The following EEA1 variants were observed in gnomAD, a reference collection of about 807,000 sequenced individuals.
EEA1 encodes the protein early endosome antigen 1, 162kD.
In EEA1, 111 loss-of-function variants were observed where a neutral mutation model predicts 209.2. The ratio of observed to expected loss-of-function variants is 0.53; its 90% CI spans 0.45 to 0.62. The LOEUF (loss-of-function observed/expected upper bound fraction) is 0.62, where lower values mean the gene tolerates loss of function less well. EEA1 is among the 20% of genes least tolerant of loss of function. EEA1 has a pLI of 0.00. For missense variants in EEA1, 1,343 were observed against 1,530.8 expected (o/e 0.88, Z 2.05); for synonymous variants, 536 against 540.6 (o/e 0.99, Z 0.12).
At chr12:92,812,911 T>C (rs548828086) in intron 16 of EEA1, 69 bp downstream of exon 16, 80 of 1,100,910 alleles carry the variant, frequency 7.3e-5, no homozygotes, top group South Asian at 3.4e-4. Flanking sequence ...GTATCATCTT[T>C]ACATGTTTGC....
At chr12:92,840,791 A>C (rs1353099109) in intron 10 of EEA1, among the ~76,000 whole-genome samples, 1 of 152,248 alleles carries the variant, frequency 6.6e-6, no homozygotes, top group Non-Finnish European at 1.5e-5. Context: ...AGAGCCAGAA[A>C]TAAACCTTTG....
intron 11 of EEA1, among the ~76,000 whole-genome samples, chr12:92,828,860 T>C (rs1027608128): frequency 1.2e-4 from 18 of 152,016 alleles, no homozygotes; most frequent in African/African-American, 3.9e-4. Flanking sequence ...ACCTATCCGA[T>C]ATTCCCAATT....
chr12:92,928,083 T>C (rs907647228), intron 1 of EEA1, among the ~76,000 whole-genome samples: 3 of 151,952 alleles, frequency 2.0e-5, no homozygotes, highest in Non-Finnish European at 2.9e-5. Context: ...AAAGAACTAA[T>C]AGGCTCGGCA....
At chr12:92,874,362 C>A (rs544286718) in intron 2 of EEA1, among the ~76,000 whole-genome samples, 1 of 152,000 alleles carries the variant, frequency 6.6e-6, no homozygotes, top group South Asian at 2.1e-4. Flanking sequence ...AGAAAATATG[C>A]TTCATTTGTT....
At chr12:92,779,843 A>G (rs1273587165) in intron 24 of EEA1, among the ~76,000 whole-genome samples, 2 of 151,760 alleles carry the variant, frequency 1.3e-5, no homozygotes, top group Non-Finnish European at 2.9e-5. Context: ...GTTTTCTTCA[A>G]TGGGTACCCT....
chr12:92,885,483 G>A (rs1879339384), intron 2 of EEA1, among the ~76,000 whole-genome samples: 2 of 152,084 alleles, frequency 1.3e-5, no homozygotes. Flanking sequence ...AGTATTGGTG[G>A]CATATGGAAA....
At chr12:92,799,264 A>G (rs1874793766) in intron 20 of EEA1, among the ~76,000 whole-genome samples, 178 bp from the exon 21 acceptor site, 1 of 152,206 alleles carries the variant, frequency 6.6e-6, no homozygotes, top group South Asian at 2.1e-4. Context: ...TGTTGGCTAC[A>G]GATAATTAGT....
chr12:92,817,812 A>T (rs1875865241), intron 14 of EEA1, among the ~76,000 whole-genome samples: 1 of 152,128 alleles, frequency 6.6e-6, no homozygotes, highest in African/African-American at 2.4e-5. Context: ...GATCCTTTTA[A>T]GGTCTTTTTT....
chr12:92,886,871 G>A (rs1017744435), intron 2 of EEA1, among the ~76,000 whole-genome samples: 9 of 151,810 alleles, frequency 5.9e-5, no homozygotes, highest in Admixed American at 2.0e-4. Flanking sequence ...GGTGGCAGGC[G>A]CCTGTAGTCC....
chr12:92,913,188 C>T (rs772484279), intron 1 of EEA1, among the ~76,000 whole-genome samples: 4 of 152,204 alleles, frequency 2.6e-5, no homozygotes, highest in African/African-American at 4.8e-5. Flanking sequence ...CTTTTCTCCA[C>T]ATCCTCACCA....
chr12:92,885,427 T>G (rs1387768539), intron 2 of EEA1, among the ~76,000 whole-genome samples: 1 of 152,054 alleles, frequency 6.6e-6, no homozygotes, highest in African/African-American at 2.4e-5. Context: ...GAAACAAACC[T>G]CAGAGAGACA....
At chr12:92,835,781 C>A (rs1014880189) in intron 10 of EEA1, among the ~76,000 whole-genome samples, 7 of 151,872 alleles carry the variant, frequency 4.6e-5, no homozygotes, top group African/African-American at 1.7e-4. Flanking sequence ...TGCCTTGTCC[C>A]AAAAAAATTA....
At chr12:92,914,055 ATTTTCTATTTATTGAATAAAGTATCCT>A (rs1285951146) in intron 1 of EEA1, among the ~76,000 whole-genome samples, 2 of 152,022 alleles carry the variant, frequency 1.3e-5, no homozygotes, top group African/African-American at 4.8e-5. Flanking sequence ...CATATGGCTA[ATTTTCTATTTATTGAATAAAGTATCCT>A]TTTTCTATTT....
At chr12:92,926,900 T>C (rs1695788572) in intron 1 of EEA1, among the ~76,000 whole-genome samples, 1 of 152,156 alleles carries the variant, frequency 6.6e-6, no homozygotes, top group South Asian at 2.1e-4. Context: ...TTCTATTACA[T>C]AGCACTGTCA....
chr12:92,820,265 T>C (rs182458168), intron 13 of EEA1, among the ~76,000 whole-genome samples: 2 of 152,204 alleles, frequency 1.3e-5, no homozygotes, highest in Admixed American at 1.3e-4. Context: ...CCAAAAGAAC[T>C]CTTCCATCGA....
At position 92,770,996 on chromosome 12, in the gene EEA1, G is replaced by GGGGTGT. The variant is rs1555197096; in HGVS notation, c.*5014_*5015insACACCC. 6.7e-6 allele frequency: 1 copy of GGGGTGT among 150,264 alleles called. No individual in the cohort carries two copies. The highest frequency in any genetic ancestry group is 6.6e-5 in the Admixed American group (1 of 15,066). 9.3% of individuals were successfully genotyped at this position (150,264 alleles called of 1,614,324 possible). On this transcript the variant is annotated 3_prime_UTR_variant, in exon 29 of 29. Coordinates refer to ENST00000322349, the MANE Select transcript of EEA1 (RefSeq NM_003566.4). ...ATAAAAATACTTTCTGGTTTTGATT[G>GGGGTGT]GTGTGTGTGTGTGTGTGTGTGTGTG... is the stretch of plus-strand genomic sequence containing the variant.
At chr12:92,791,384 A>T (rs1166266538) in intron 21 of EEA1, among the ~76,000 whole-genome samples, 13 of 152,302 alleles carry the variant, frequency 8.5e-5, no homozygotes, top group African/African-American at 3.1e-4. Flanking sequence ...GACCCATCTC[A>T]CATGCAAAGA....
chr12:92,777,782 T>A, intron 26 of EEA1, 119 bp from the exon 27 acceptor site: 2 of 1,276,922 alleles, frequency 1.6e-6, no homozygotes. Context: ...ATTTTGACTA[T>A]CTGATTGTTT....
chr12:92,795,886 G>T (rs1565811514), intron 21 of EEA1, among the ~76,000 whole-genome samples: 1 of 151,318 alleles, frequency 6.6e-6, no homozygotes, highest in Admixed American at 6.6e-5. Context: ...TTTAATTATT[G>T]TTCTGACTCT....
Sources: allele counts gnomAD v4.1 joint callset (sites outside exome capture counted in the v4.1 genomes callset), GRCh38; gene constraint gnomAD v4.1.1; transcripts MANE v1.5; gene names NCBI Gene and HGNC (gene_info 2026-07-23, HGNC 2026-07-21).